The following LINGO1 variants were observed in gnomAD, a reference collection of about 807,000 sequenced individuals.
The protein encoded by LINGO1 is leucine-rich repeat and immunoglobulin-like domain-containing nogo receptor-interacting protein 1.
Under a neutral mutation model 37.3 loss-of-function variants are expected in LINGO1, and 11 were observed. That is an observed-to-expected ratio of 0.29 (90% CI 0.19 to 0.49). The LOEUF is 0.49. Among genes scored for constraint, LINGO1 ranks in the 20% least tolerant of loss-of-function variants. The probability of loss-of-function intolerance (pLI) is 0.99; values close to 1 mark genes in which losing one functional copy is unlikely to be tolerated. For synonymous variants in LINGO1, 387 were observed against 403.0 expected (o/e 0.96, Z 0.48); for missense variants, 585 against 878.2 (o/e 0.67, Z 4.22).
intron 2 of LINGO1, among the ~76,000 whole-genome samples, chr15:77,794,589 TA>T (rs1459546058): frequency 0.08 from 1,605 of 20,012 alleles, 73 homozygotes; most frequent in African/African-American, 0.13. Flanking sequence ...TATATATATA[TA>T]TTTTTTTTTT....
At chr15:77,655,926 G>A (rs781034115) in intron 3 of LINGO1, among the ~76,000 whole-genome samples, 1 of 152,190 alleles carries the variant, frequency 6.6e-6, no homozygotes, top group South Asian at 2.1e-4. Flanking sequence ...CTTCTGCCCC[G>A]GTCACGTGGA....
chr15:77,627,277 C>T (rs1404540422), intron 1 of LINGO1, among the ~76,000 whole-genome samples: 1 of 152,006 alleles, frequency 6.6e-6, no homozygotes, highest in Non-Finnish European at 1.5e-5. Context: ...CTCCAGGGGC[C>T]CAGGCCCAGG....
chr15:77,687,959 C>A (rs528513072), intron 2 of LINGO1, among the ~76,000 whole-genome samples: 2 of 152,096 alleles, frequency 1.3e-5, no homozygotes, highest in African/African-American at 2.4e-5. Flanking sequence ...TTTATCCTTG[C>A]GGACAGGCTC....
chr15:77,770,685 C>G (rs1463942997), intron 1 of LINGO1, among the ~76,000 whole-genome samples: 1 of 151,730 alleles, frequency 6.6e-6, no homozygotes, highest in African/African-American at 2.4e-5. Flanking sequence ...GGTTTAAATC[C>G]AAGCCTAACT....
chr15:77,615,547 G>A lies in LINGO1; in HGVS notation c.360C>T (p.Asn120=). The A allele has an allele frequency of 6.2e-7, 1 of 1,613,400 alleles. No individual in the cohort carries two copies. Among genetic ancestry groups the A allele is most frequent in the Middle Eastern group, 1.6e-4 (1 of 6,062 alleles). ...VEPGAFNNLF[N]LRTLGLRSNR... ...TGCTGCGGAGACCCAGCGTCCGGAG[G>A]TTGAAGAGGTTGTTGAAGGCGCCGG... is the stretch of plus-strand genomic sequence containing the variant. Residue 120 remains asparagine (N), a synonymous_variant, in exon 2 of 2, where the codon AAC becomes AAT. Transcript: ENST00000355300.
At chr15:77,792,967 T>G (rs934379081) in intron 2 of LINGO1, among the ~76,000 whole-genome samples, 4 of 152,172 alleles carry the variant, frequency 2.6e-5, no homozygotes, top group African/African-American at 7.2e-5. Context: ...AGGGTGGCAC[T>G]AGGGAGAGGC....
At chr15:77,744,624 A>G (rs901458347) in intron 1 of LINGO1, among the ~76,000 whole-genome samples, 2 of 152,278 alleles carry the variant, frequency 1.3e-5, no homozygotes, top group Non-Finnish European at 2.9e-5. Flanking sequence ...TTACATGTAT[A>G]AACTCATCTA....
intron 3 of LINGO1, among the ~76,000 whole-genome samples, chr15:77,663,121 A>G (rs78959924): frequency 0.015 from 2,329 of 152,272 alleles, 62 homozygotes; most frequent in African/African-American, 0.054. Context: ...AGTCCTTCCT[A>G]ATATCTAACT....
chr15:77,820,632 T>G (rs1188493255), upstream of LINGO1: 1 of 152,614 alleles, frequency 6.6e-6, no homozygotes, highest in Non-Finnish European at 1.5e-5. Context: ...CTTGGGCAAA[T>G]GCCGACCCCT....
chr15:77,794,192 C>T (rs1243466618), intron 2 of LINGO1, among the ~76,000 whole-genome samples: 1 of 152,058 alleles, frequency 6.6e-6, no homozygotes, highest in Non-Finnish European at 1.5e-5. Context: ...TCTCACCCAT[C>T]TCTCAGCAGC....
chr15:77,651,185 G>C (rs2074751608), intron 3 of LINGO1: 1 of 152,188 alleles, frequency 6.6e-6, no homozygotes, highest in Admixed American at 6.5e-5. Flanking sequence ...TGAGCTTGCT[G>C]TCTGTTTCAC....
chr15:77,758,946 T>C (rs1411080907), intron 1 of LINGO1, among the ~76,000 whole-genome samples: 6 of 152,016 alleles, frequency 3.9e-5, no homozygotes, highest in African/African-American at 1.4e-4. Flanking sequence ...TCTGAGGTGT[T>C]CCAGAGTGGG....
intron 2 of LINGO1, among the ~76,000 whole-genome samples, chr15:77,729,936 C>T (rs1028603364): frequency 1.3e-5 from 2 of 152,198 alleles, no homozygotes; most frequent in East Asian, 3.8e-4. Flanking sequence ...TTAGCTCTCA[C>T]AAATACTTAT....
intron 1 of LINGO1, among the ~76,000 whole-genome samples, chr15:77,757,263 C>T (rs1567566503): frequency 1.3e-5 from 2 of 152,236 alleles, no homozygotes; most frequent in South Asian, 2.1e-4. Context: ...GGCAGTCTGC[C>T]GCAGGGGCCC....
At chr15:77,790,792 GGCGGATTCA>G (rs967106467), upstream of LINGO1, among the ~76,000 whole-genome samples, 5 of 152,204 alleles carry the variant, frequency 3.3e-5, no homozygotes, top group African/African-American at 1.2e-4. Flanking sequence ...ACTTCAGGGA[GGCGGATTCA>G]GCTCAGTCAG....
rs144464498 is a variant in LINGO1, at chr15:77,702,818, G to A, written c.-194-11917C>T. The stretch of plus-strand genomic sequence containing the variant: ...CCCAGCTTTTCCCAGCAGCTTCAGC[G>A]GCATGGCTGTGTTCTGTGCCATACA... On this transcript the variant is annotated intron_variant, in intron 2 of 3. Transcript: ENST00000561686. Among the ~76,000 whole-genome samples, 250 of 152,280 alleles carry A rather than the reference G, an allele frequency of 1.6e-3. 2 individuals carry two copies. The highest frequency in any genetic ancestry group is 5.3e-3 in the African/African-American group (222 of 41,544).
At chr15:77,656,089 G>T (rs1362604522) in intron 3 of LINGO1, among the ~76,000 whole-genome samples, 1 of 152,194 alleles carries the variant, frequency 6.6e-6, no homozygotes, top group African/African-American at 2.4e-5. Flanking sequence ...GCACTCAGGG[G>T]ACAGGGGTGA....
At chr15:77,701,456 G>A (rs766192549), upstream of LINGO1, among the ~76,000 whole-genome samples, 9 of 152,070 alleles carry the variant, frequency 5.9e-5, no homozygotes, top group Non-Finnish European at 1.0e-4. Flanking sequence ...TGGGAACCCC[G>A]GAGGCCCCAA....
intron 1 of LINGO1, among the ~76,000 whole-genome samples, chr15:77,814,326 C>A (rs1030626715): frequency 6.6e-6 from 1 of 152,198 alleles, no homozygotes; most frequent in African/African-American, 2.4e-5. Flanking sequence ...CACTTCCCAC[C>A]GTGCCCTCAG....
Sources: gnomAD v4.1 joint callset for allele counts (sites outside exome capture counted in the v4.1 genomes callset) on GRCh38, gnomAD v4.1.1 for gene constraint, MANE v1.5 for transcripts, NCBI Gene and HGNC (gene_info 2026-07-23, HGNC 2026-07-21) for gene names.